Variants in NHSL1 observed in about 807,000 individuals in gnomAD.
NHSL1 encodes NHS-like protein 1.
Under a neutral mutation model 95.0 loss-of-function variants are expected in NHSL1, and 48 were observed. That is an observed-to-expected ratio of 0.51 (90% CI 0.40 to 0.64). The LOEUF (loss-of-function observed/expected upper bound fraction) is 0.64, where lower values mean the gene tolerates loss of function less well. Among genes scored for constraint, NHSL1 ranks in the 30% least tolerant of loss-of-function variants. NHSL1 has a pLI of 0.00. For synonymous variants in NHSL1, 783 were observed against 833.9 expected, an observed-to-expected ratio of 0.94 and a Z score of 1.05; for missense variants, 1,971 against 2,077.7, an observed-to-expected ratio of 0.95 and a Z score of 1.00.
chr6:138,526,962 C>G (rs555919968), intron 1 of NHSL1, among the ~76,000 whole-genome samples: 1 of 152,280 alleles, frequency 6.6e-6, no homozygotes, highest in East Asian at 1.9e-4. Flanking sequence ...TTTGGGAATT[C>G]CACCAGCATT....
chr6:138,536,602 C>CTTTTTTTTTTTTTTT (rs563509738), intron 1 of NHSL1, among the ~76,000 whole-genome samples: 1 of 80,022 alleles, frequency 1.2e-5, no homozygotes, highest in South Asian at 5.2e-4. Flanking sequence ...CATATGTCAT[C>CTTTTTTTTTTTTTTT]TTTTTTTTTT....
At chr6:138,560,308 G>A (rs1198944590) in intron 1 of NHSL1, among the ~76,000 whole-genome samples, 1 of 152,092 alleles carries the variant, frequency 6.6e-6, no homozygotes, top group Non-Finnish European at 1.5e-5. Context: ...AAGCAATGTC[G>A]AAAGACAGAA....
At chr6:138,558,541 A>G (rs1783288113) in intron 1 of NHSL1, among the ~76,000 whole-genome samples, 1 of 150,136 alleles carries the variant, frequency 6.7e-6, no homozygotes, top group East Asian at 2.0e-4. Flanking sequence ...CTCCTCCCTC[A>G]GCCTCCTGAG....
At chr6:138,469,912 A>G (rs1442761370) in intron 3 of NHSL1, among the ~76,000 whole-genome samples, 1 of 152,186 alleles carries the variant, frequency 6.6e-6, no homozygotes, top group Non-Finnish European at 1.5e-5. Flanking sequence ...AGAAATGGTT[A>G]ATACAACACT....
At chr6:138,514,543 TAAAAC>T (rs1300309605) in intron 1 of NHSL1, among the ~76,000 whole-genome samples, 3 of 152,118 alleles carry the variant, frequency 2.0e-5, no homozygotes, top group African/African-American at 7.2e-5. Flanking sequence ...TTAACAATAA[TAAAAC>T]AGAACAATGA....
chr6:138,590,689 T>C (rs1317730590), intron 1 of NHSL1, among the ~76,000 whole-genome samples: 1 of 152,146 alleles, frequency 6.6e-6, no homozygotes, highest in Non-Finnish European at 1.5e-5. Context: ...AAGCGGCTGT[T>C]TACCCTCTCC....
intron 1 of NHSL1, among the ~76,000 whole-genome samples, chr6:138,525,894 C>T (rs1271015729): frequency 6.6e-6 from 1 of 151,308 alleles, no homozygotes; most frequent in African/African-American, 2.4e-5. Flanking sequence ...GTCAGGAGTT[C>T]GAGACCAGCC....
At chr6:138,493,439 A>C (rs1282930754) in intron 2 of NHSL1, among the ~76,000 whole-genome samples, 6 of 152,268 alleles carry the variant, frequency 3.9e-5, no homozygotes, top group African/African-American at 1.4e-4. Context: ...GCCTATAAAC[A>C]GATGTTCAGT....
intron 1 of NHSL1, chr6:138,650,431 C>T (rs2114706685): frequency 1.5e-6 from 2 of 1,378,766 alleles, no homozygotes; most frequent in Non-Finnish European, 2.0e-6. Flanking sequence ...ATGCTCACTG[C>T]AATCCCTGTC....
intron 1 of NHSL1, among the ~76,000 whole-genome samples, chr6:138,554,229 C>G (rs1783113134): frequency 6.6e-6 from 1 of 152,192 alleles, no homozygotes; most frequent in Non-Finnish European, 1.5e-5. Context: ...AAAGATACAA[C>G]AGTAGGTCCT....
intron 1 of NHSL1, among the ~76,000 whole-genome samples, chr6:138,508,682 T>C (rs1468313377): frequency 2.0e-5 from 3 of 152,214 alleles, no homozygotes; most frequent in Admixed American, 6.5e-5. Context: ...CTCGGATGCT[T>C]GATCCTCCGC....
intron 1 of NHSL1, among the ~76,000 whole-genome samples, chr6:138,543,562 C>CA (rs1782667014): frequency 6.6e-6 from 1 of 152,146 alleles, no homozygotes; most frequent in African/African-American, 2.4e-5. Context: ...TGATTTAAAC[C>CA]AAAGGAAGAG....
chr6:138,643,352 C>T (rs1297933649), intron 1 of NHSL1, among the ~76,000 whole-genome samples: 1 of 152,180 alleles, frequency 6.6e-6, no homozygotes, highest in Non-Finnish European at 1.5e-5. Context: ...TGGGGTGGTG[C>T]ATTTGTTACA....
At chr6:138,515,724 A>G (rs1234894506) in intron 1 of NHSL1, among the ~76,000 whole-genome samples, 1 of 152,256 alleles carries the variant, frequency 6.6e-6, no homozygotes, top group East Asian at 1.9e-4. Flanking sequence ...TTAAATTAGG[A>G]AGTGCATAAC....
chr6:138,484,709 GA>G (rs1779619930), intron 2 of NHSL1, among the ~76,000 whole-genome samples: 1 of 152,064 alleles, frequency 6.6e-6, no homozygotes, highest in African/African-American at 2.4e-5. Context: ...CTTGCTCTGT[GA>G]TTAATTCCTA....
chr6:138,459,654 C>A (rs1378193996), intron 3 of NHSL1, among the ~76,000 whole-genome samples: 1 of 152,018 alleles, frequency 6.6e-6, no homozygotes, highest in African/African-American at 2.4e-5. Context: ...AGTGAATGTC[C>A]TTCTCTTATA....
In NHSL1 at chr6:138,559,513, G is replaced by A. The variant is rs1783332347; in HGVS notation, c.202+12197C>T. ...TAGGTGGCTCAGAGTCACAAGCTGGGTTTTGGACCAGATGGTTTTCTGAGA... is the reference window on the plus strand; with the variant it reads ...TAGGTGGCTCAGAGTCACAAGCTGGATTTTGGACCAGATGGTTTTCTGAGA... On this transcript the variant is annotated intron_variant, in intron 1 of 6. Transcript: ENST00000427025. Among the ~76,000 whole-genome samples the A allele has an allele frequency of 2.0e-5, 3 of 152,182 alleles. No homozygotes were observed. In the South Asian group the frequency reaches 6.2e-4, roughly 32 times the overall value.
At position 138,442,067 on chromosome 6, in the gene NHSL1, T is replaced by C; in HGVS notation, c.580A>G (p.Thr194Ala). 6.4e-7 allele frequency: 1 copy of C among 1,551,364 alleles called. No homozygotes were observed. ...TTCGGTCGTCTTACCAGAGTGTCTG[T>C]GTAAATTAGAGACCGCCGAAGGCTG... The part of the protein sequence containing the change: ...QASLRRSLIY[T>A]DTLVRRPKKV... The change falls in exon 5 of 8, where the codon ACA becomes GCA. Residue 194 changes from threonine (T) to alanine (A), a missense_variant. Around this residue, in one of 3 missense-constraint regions of NHSL1, gnomAD observed 1,602 missense variants for 1,654.5 expected, o/e 0.97. Transcript: ENST00000343505.
intron 3 of NHSL1, among the ~76,000 whole-genome samples, chr6:138,472,585 A>C (rs1463216424): frequency 6.6e-6 from 1 of 152,258 alleles, no homozygotes; most frequent in Non-Finnish European, 1.5e-5. Context: ...AACACTATTC[A>C]TCAAATCTTA....
Sources: allele counts gnomAD v4.1 joint callset (sites outside exome capture counted in the v4.1 genomes callset), GRCh38; gene constraint gnomAD v4.1.1; regional missense constraint gnomAD v4.1.1; transcripts MANE v1.5; gene names NCBI Gene and HGNC (gene_info 2026-07-23, HGNC 2026-07-21).